The following SLC7A9 variants were observed in gnomAD, a reference collection of about 807,000 sequenced individuals.
SLC7A9 encodes B(0,+)-type amino acid transporter 1.
Under a neutral mutation model 54.1 loss-of-function variants are expected in SLC7A9, and 38 were observed. The ratio of observed to expected loss-of-function variants is 0.70; its 90% CI spans 0.54 to 0.92. The LOEUF is 0.92. Ranked by LOEUF, SLC7A9 falls within the 40% of genes least tolerant of loss-of-function variation. SLC7A9 has a pLI of 0.00. For synonymous variants in SLC7A9, 264 were observed against 258.9 expected (o/e 1.02, Z -0.19); for missense variants, 537 against 636.1 (o/e 0.84, Z 1.68).
At chr19:32,855,202 A>G (rs750134353) in intron 9 of SLC7A9, among the ~76,000 whole-genome samples, 4 of 152,250 alleles carry the variant, frequency 2.6e-5, no homozygotes, top group Non-Finnish European at 5.9e-5. Context: ...AGACACAGAA[A>G]GACAAATATC....
At position 32,864,868 on chromosome 19, in the gene SLC7A9, G is replaced by T. The variant is rs1968921157; in HGVS notation, c.88-92C>A. 6 of 1,562,730 alleles carry T rather than the reference G, an allele frequency of 3.8e-6. No individual in the cohort carries two copies. In the Admixed American group the frequency reaches 1.0e-4, roughly 26 times the overall value. ...ACCCTCCCTCGGTACGGCCAGGGCG[G>T]CCCCAGCCAAAGCCCATGTCCCAGG... is the stretch of plus-strand genomic sequence containing the variant. On this transcript the variant is annotated intron_variant, in intron 2 of 12. Coordinates refer to ENST00000023064, the MANE Select transcript of SLC7A9 (RefSeq NM_014270.5).
chr19:32,862,096 G>A lies in SLC7A9; in HGVS notation c.704+22C>T, dbSNP rs756825007. On this transcript the variant is annotated intron_variant, in intron 6 of 12. Transcript: ENST00000023064. ...GAGAACCCCACCCACCCCCAGACTCGGGACATCTCAGGACACCTCACCATC... is the reference window on the plus strand; with the variant it reads ...GAGAACCCCACCCACCCCCAGACTCAGGACATCTCAGGACACCTCACCATC... 54 of 1,536,382 alleles carry A rather than the reference G, an allele frequency of 3.5e-5. 1 individual carries two copies. In the South Asian group the frequency reaches 4.3e-4, roughly 12 times the overall value.
At chr19:32,851,380 C>T (rs1221445966) in intron 9 of SLC7A9, among the ~76,000 whole-genome samples, 1 of 151,972 alleles carries the variant, frequency 6.6e-6, no homozygotes. Flanking sequence ...AGACACTTCT[C>T]AAAAGAAGAC....
At chr19:32,831,966 G>A (rs368680052) in intron 12 of SLC7A9, among the ~76,000 whole-genome samples, 1 of 152,218 alleles carries the variant, frequency 6.6e-6, no homozygotes, top group Non-Finnish European at 1.5e-5. Context: ...TTTATGTTGT[G>A]TGTCTTTCGC....
At chr19:32,844,205 C>T (rs950552892) in intron 9 of SLC7A9, among the ~76,000 whole-genome samples, 1 of 151,992 alleles carries the variant, frequency 6.6e-6, no homozygotes, top group Non-Finnish European at 1.5e-5. Flanking sequence ...CCTTGGGAGG[C>T]CAAGGCAGAG....
chr19:32,868,842 G>A (rs1437482812), intron 1 of SLC7A9, among the ~76,000 whole-genome samples, 197 bp from the exon 2 acceptor site: 2 of 152,058 alleles, frequency 1.3e-5, no homozygotes, highest in Non-Finnish European at 2.9e-5. Flanking sequence ...CCTGGCCCAC[G>A]TGCCTGTGCC....
chr19:32,862,048 A>G, intron 6 of SLC7A9, 70 bp downstream of exon 6: 1 of 940,612 alleles, frequency 1.1e-6, no homozygotes, highest in Non-Finnish European at 1.8e-6. Context: ...GTTTTCCATG[A>G]CAGGTGGAGT....
intron 9 of SLC7A9, among the ~76,000 whole-genome samples, chr19:32,858,192 T>C (rs1344193656): frequency 6.6e-6 from 1 of 152,146 alleles, no homozygotes; most frequent in Non-Finnish European, 1.5e-5. Context: ...TAGGGCCCCC[T>C]GGAGTGGAAA....
chr19:32,855,563 G>C (rs554184979), intron 9 of SLC7A9, among the ~76,000 whole-genome samples: 4 of 152,078 alleles, frequency 2.6e-5, no homozygotes, highest in Non-Finnish European at 4.4e-5. Flanking sequence ...TTAGCCGGGC[G>C]TGATGGCAGG....
In SLC7A9 at chr19:32,864,102, C is replaced by T. The variant is rs140134166; in HGVS notation, c.472G>A (p.Ala158Thr). The change falls in exon 4 of 13, where the codon GCC becomes ACC. Residue 158 changes from alanine to threonine, a missense_variant. Ala to Thr is a moderately conservative substitution (Grantham distance 58). Coordinates refer to ENST00000023064, the MANE Select transcript of SLC7A9 (RefSeq NM_014270.5). The stretch of plus-strand genomic sequence containing the variant: ...CCTGGGCTCAGGTACTCACAGATGG[C>T]GGCGGCGGCCAGGCATTTCACAACG... Reference protein sequence around the residue: ...QIVVKCLAAAAILFISTVNSL... With the variant: ...QIVVKCLAAATILFISTVNSL... The T allele has an allele frequency of 3.0e-5, 49 of 1,613,182 alleles. No homozygotes were observed. The African/African-American group carries it at 5.3e-4, about 18-fold the overall frequency.
intron 9 of SLC7A9, among the ~76,000 whole-genome samples, chr19:32,851,197 T>G (rs1644650948): frequency 6.6e-6 from 1 of 151,836 alleles, no homozygotes; most frequent in Admixed American, 6.6e-5. Context: ...ACTAAAGAGC[T>G]TCTGCACAGC....
chr19:32,857,271 C>T (rs1456626401), intron 9 of SLC7A9, among the ~76,000 whole-genome samples: 1 of 151,982 alleles, frequency 6.6e-6, no homozygotes, highest in East Asian at 1.9e-4. Flanking sequence ...TGGTGAAACC[C>T]CATCTTGACT....
chr19:32,856,033 G>A lies in SLC7A9; in HGVS notation c.977+2407C>T, dbSNP rs1419500169. Among the ~76,000 whole-genome samples, 3 of 152,110 alleles carry A rather than the reference G, an allele frequency of 2.0e-5. No individual in the cohort carries two copies. The South Asian group carries it at 6.2e-4, about 31-fold the overall frequency. On this transcript the variant is annotated intron_variant, in intron 9 of 12. Transcript: ENST00000023064. Reference sequence around the variant, plus strand: ...ACATAGCAATAGAGAGTAGAATGCTGGTTACCAGAGGCTGAAGGAAGAGGG... The same window carrying A: ...ACATAGCAATAGAGAGTAGAATGCTAGTTACCAGAGGCTGAAGGAAGAGGG...
chr19:32,830,800 AC>A, intron 12 of SLC7A9, 116 bp from the exon 13 acceptor site: 2 of 775,930 alleles, frequency 2.6e-6, no homozygotes. Flanking sequence ...CGTCACCTAG[AC>A]CCTGTGCTCA....
chr19:32,863,736 G>C (rs546793990), intron 4 of SLC7A9, among the ~76,000 whole-genome samples: 62 of 152,306 alleles, frequency 4.1e-4, no homozygotes, highest in Non-Finnish European at 7.1e-4. Flanking sequence ...GGAGTTTAAG[G>C]ACCTTTTAAA....
At chr19:32,832,907 T>C in intron 12 of SLC7A9, 1 of 495,246 alleles carries the variant, frequency 2.0e-6, no homozygotes. Flanking sequence ...AGACTGTGTC[T>C]CCAAAAAGAA....
intron 9 of SLC7A9, among the ~76,000 whole-genome samples, chr19:32,844,857 C>CAA (rs386388892): frequency 0.12 from 3,673 of 30,302 alleles, 1,180 homozygotes; most frequent in East Asian, 0.27. Context: ...GAATCCATCT[C>CAA]AAAAAAAAAA....
rs188830255 is a variant in SLC7A9 at position 32,832,833 on chromosome 19, C to T, written c.1399+316G>A. ...CCCAGGTGGGAGGATGGCTTGAGCCCGGGAGTTCAAGACTGCAGTGAGCTA... is the reference window on the plus strand; with the variant it reads ...CCCAGGTGGGAGGATGGCTTGAGCCTGGGAGTTCAAGACTGCAGTGAGCTA... On this transcript the variant is annotated intron_variant, in intron 12 of 12. Coordinates refer to ENST00000023064, the MANE Select transcript of SLC7A9 (RefSeq NM_014270.5). 352 of 322,904 alleles carry T rather than the reference C, an allele frequency of 1.1e-3. 2 individuals are homozygous for T. Among genetic ancestry groups the T allele is most frequent in the Non-Finnish European group, 1.9e-3 (315 of 167,466 alleles). The allele number at this position is 322,904 out of a possible 1,614,324, so 20.0% of individuals were successfully genotyped here.
intron 11 of SLC7A9, 149 bp downstream of exon 11, chr19:32,842,019 G>A: frequency 1.3e-6 from 1 of 780,958 alleles, no homozygotes; most frequent in South Asian, 1.5e-5. Context: ...AAACTATGCT[G>A]TGAAGAGTAA....
Sources: gnomAD v4.1 joint callset for allele counts (sites outside exome capture counted in the v4.1 genomes callset) on GRCh38, gnomAD v4.1.1 for gene constraint, MANE v1.5 for transcripts, NCBI Gene and HGNC (gene_info 2026-07-23, HGNC 2026-07-21) for gene names.